NUP205: variants seen among roughly 807,000 people sequenced by gnomAD.
NUP205 encodes the protein nuclear pore complex protein Nup205.
In NUP205, 76 loss-of-function variants were observed where a neutral mutation model predicts 253.8. That is an observed-to-expected ratio of 0.30 (90% CI 0.25 to 0.36). NUP205 has a LOEUF of 0.36. NUP205 is among the 10% of genes least tolerant of loss of function. NUP205 has a pLI of 1.00. For missense variants in NUP205, 2,162 were observed against 2,425.5 expected (o/e 0.89, Z 2.28); for synonymous variants, 832 against 850.1 (o/e 0.98, Z 0.37).
intron 24 of NUP205, 59 bp downstream of exon 24, chr7:135,616,124 A>C: frequency 6.7e-7 from 1 of 1,494,024 alleles, no homozygotes; most frequent in Non-Finnish European, 9.2e-7. Flanking sequence ...GACAAGCACA[A>C]ATCTGAAGCT....
Position 135,622,799 on chromosome 7 carries a change from G to T in NUP205, c.4353G>T (p.Arg1451Ser). The T allele has an allele frequency of 6.2e-7, 1 of 1,613,890 alleles. No homozygotes were observed. Among genetic ancestry groups the T allele is most frequent in the Non-Finnish European group, 8.5e-7 (1 of 1,179,984 alleles). ...TAGCCAAGAAAACCATGTGGGAAAG[G>T]CTGACAGCCCCTGAAGATGTATTTA... ...LEAAKKTMWERLTAPEDVFSK... is the reference protein window; with the variant it reads ...LEAAKKTMWESLTAPEDVFSK... The change falls in exon 31 of 43, where the codon AGG becomes AGT. Residue 1451 changes from arginine (R) to serine (S), a missense_variant. Physicochemically the swap from Arg to Ser is moderately radical, Grantham distance 110. This residue lies in a region of NUP205 where 1,144 missense variants were observed against 1,280.9 expected (regional missense o/e 0.89). Coordinates refer to ENST00000285968, the MANE Select transcript of NUP205 (RefSeq NM_015135.3).
At chr7:135,561,849 C>G (rs1805588203) in intron 1 of NUP205, among the ~76,000 whole-genome samples, 2 of 152,116 alleles carry the variant, frequency 1.3e-5, no homozygotes, top group South Asian at 4.1e-4. Context: ...CCTAGTCAAG[C>G]CTTTCAAAAG....
chr7:135,568,049 G>GC lies in NUP205; in HGVS notation c.29-3052dup, dbSNP rs577542723. On this transcript the variant is annotated intron_variant, in intron 1 of 42. Coordinates refer to ENST00000285968, the MANE Select transcript of NUP205 (RefSeq NM_015135.3). ...AAGACCAGCCTGGCCAAATGGTGAAGCCCCATCTCTAATAAAAATACAAAA... is the reference window on the plus strand; with the variant it reads ...AAGACCAGCCTGGCCAAATGGTGAAGCCCCCATCTCTAATAAAAATACAAAA... 6.8e-3 allele frequency among the ~76,000 whole-genome samples: 1,038 copies of GC among 152,098 alleles called. 17 individuals carry two copies. The highest frequency in any genetic ancestry group is 0.014 in the Middle Eastern group (4 of 294).
intron 1 of NUP205, among the ~76,000 whole-genome samples, chr7:135,569,952 G>A (rs1415435858): frequency 6.6e-6 from 1 of 150,502 alleles, no homozygotes; most frequent in Non-Finnish European, 1.5e-5. Flanking sequence ...GATATGAAAG[G>A]CACTGGACTG....
chr7:135,626,302 G>A lies in NUP205; in HGVS notation c.4734G>A (p.Val1578=). The change falls in exon 33 of 43, where the codon GTG becomes GTA. Residue 1578 remains valine (V), a synonymous_variant. Coordinates refer to ENST00000285968, the MANE Select transcript of NUP205 (RefSeq NM_015135.3). ...CATTAGAGCTGCTAAGATCAGGGGT[G>A]ATTGTGAGACTAGCTCAATGCCAAG... ...QGALELLRSG[V]IVRLAQCQVY... The A allele has an allele frequency of 6.2e-7, 1 of 1,614,152 alleles. No homozygotes were observed. Among genetic ancestry groups the A allele is most frequent in the Non-Finnish European group, 8.5e-7 (1 of 1,179,998 alleles).
intron 32 of NUP205, 105 bp downstream of exon 32, chr7:135,625,460 A>C (rs1794571065): frequency 2.4e-6 from 2 of 821,048 alleles, no homozygotes; most frequent in Admixed American, 6.2e-5. Context: ...TATTTCTATC[A>C]TAAGCTGGAA....
At chr7:135,575,263 A>C (rs115125969) in intron 3 of NUP205, among the ~76,000 whole-genome samples, 1 of 152,190 alleles carries the variant, frequency 6.6e-6, no homozygotes, top group Non-Finnish European at 1.5e-5. Flanking sequence ...AGAACTCTTA[A>C]CAACATCATG....
At chr7:135,590,823 G>A (rs1157900844) in intron 10 of NUP205, among the ~76,000 whole-genome samples, 2 of 152,106 alleles carry the variant, frequency 1.3e-5, no homozygotes, top group Non-Finnish European at 2.9e-5. Flanking sequence ...GAACCACTGC[G>A]CCCAGCCAAA....
chr7:135,620,786 A>C (rs1794457462), intron 30 of NUP205, among the ~76,000 whole-genome samples: 1 of 152,198 alleles, frequency 6.6e-6, no homozygotes, highest in South Asian at 2.1e-4. Context: ...GTATACATGT[A>C]TCTTTTTGTA....
At position 135,614,184 on chromosome 7, in the gene NUP205, C is replaced by G. The variant is rs768214484; in HGVS notation, c.3221C>G (p.Ser1074Cys). The G allele has an allele frequency of 5.0e-6, 8 of 1,608,698 alleles. No homozygotes were observed. The highest frequency in any genetic ancestry group is 1.6e-4 in the Middle Eastern group (1 of 6,072). Residue 1074 changes from serine (S) to cysteine (C), a missense_variant, in exon 23 of 43, where the codon TCT becomes TGT. Coordinates refer to ENST00000285968, the MANE Select transcript of NUP205 (RefSeq NM_015135.3). ...YQVIYQLCAC[S>C]DTSGPTMRYL... ...GTCATATATCAGTTATGTGCATGCT[C>G]TGATACATCTGGTCCTACTATGAGG...
chr7:135,624,397 G>A (rs531684529), intron 31 of NUP205, among the ~76,000 whole-genome samples: 18 of 151,492 alleles, frequency 1.2e-4, no homozygotes, highest in Non-Finnish European at 1.2e-4. Context: ...TTTTTTTTGA[G>A]ACAGAGTCTC....
intron 38 of NUP205, 44 bp downstream of exon 38, chr7:135,638,727 A>G (rs1563139734): frequency 1.2e-6 from 2 of 1,611,222 alleles, no homozygotes; most frequent in Non-Finnish European, 1.7e-6. Flanking sequence ...CTAAGTTGCT[A>G]TGGTTATGAC....
chr7:135,593,644 T>TTTTTTCTG (rs1370534750), intron 12 of NUP205, among the ~76,000 whole-genome samples: 1 of 152,210 alleles, frequency 6.6e-6, no homozygotes, highest in Non-Finnish European at 1.5e-5. Flanking sequence ...TTCATGACTG[T>TTTTTTCTG]ATATAATTTC....
At chr7:135,606,355 C>T (rs1240434214) in intron 20 of NUP205, 129 bp downstream of exon 20, 1 of 690,378 alleles carries the variant, frequency 1.4e-6, no homozygotes, top group African/African-American at 1.8e-5. Flanking sequence ...TGCTAGAATA[C>T]AGGTTGAGAA....
intron 15 of NUP205, among the ~76,000 whole-genome samples, chr7:135,600,164 TAA>T (rs1440934991): frequency 6.6e-6 from 1 of 152,234 alleles, no homozygotes; most frequent in Non-Finnish European, 1.5e-5. Context: ...GTGGATTTTT[TAA>T]ACAAAGTTTT....
Position 135,645,462 on chromosome 7 carries a change from G to A in NUP205, c.5684-6G>A, listed in dbSNP as rs560816440. The A allele has an allele frequency of 3.7e-6, 6 of 1,612,372 alleles. No individual in the cohort carries two copies. In the African/African-American group the frequency reaches 5.3e-5, roughly 14 times the overall value. On this transcript the variant is annotated splice_polypyrimidine_tract_variant and splice_region_variant and intron_variant, in intron 40 of 42. Coordinates refer to ENST00000285968, the MANE Select transcript of NUP205 (RefSeq NM_015135.3). ...TTATGTTCCTTTAATCTGAGCTCTG[G>A]TATAGTTATCATAGAGACCTGCCTA...
At position 135,630,363 on chromosome 7, in the gene NUP205, C is replaced by A; in HGVS notation, c.4952C>A (p.Ser1651Ter). ...AAGQVLQFLI[S>*]HSDTIQAILR... The stretch of plus-strand genomic sequence containing the variant: ...GCTTAGGTATTGCAGTTTCTTATTT[C>A]ACATTCTGATACCATACAAGCAATT... Residue 1651 changes from serine (S) to a stop codon, truncating the protein, a stop_gained, in exon 35 of 43, where the codon TCA (serine) becomes TAA (stop). Coordinates refer to ENST00000285968, the MANE Select transcript of NUP205 (RefSeq NM_015135.3). LOFTEE classifies it high-confidence loss of function. 6.3e-7 allele frequency: 1 copy of A among 1,590,588 alleles called. No homozygotes were observed. Among genetic ancestry groups the A allele is most frequent in the South Asian group, 1.2e-5 (1 of 86,334 alleles).
Position 135,635,999 on chromosome 7 carries a change from C to T in NUP205, c.5136+342C>T, listed in dbSNP as rs537521934. Among the ~76,000 whole-genome samples the T allele has an allele frequency of 2.0e-5, 3 of 152,252 alleles. No individual in the cohort carries two copies. In the South Asian group the frequency reaches 6.2e-4, roughly 32 times the overall value. On this transcript the variant is annotated intron_variant, in intron 36 of 42. Coordinates refer to ENST00000285968, the MANE Select transcript of NUP205 (RefSeq NM_015135.3). ...AATATTTAGTGTTACATTATTATGACTGTGTAAATGTCATTTGTGAATAAG... is the reference window on the plus strand; with the variant it reads ...AATATTTAGTGTTACATTATTATGATTGTGTAAATGTCATTTGTGAATAAG...
intron 22 of NUP205, among the ~76,000 whole-genome samples, chr7:135,613,522 A>T (rs1794287353): frequency 6.7e-6 from 1 of 149,596 alleles, no homozygotes; most frequent in African/African-American, 2.5e-5. Flanking sequence ...GCTACTAATA[A>T]TTTTTTTCTT....
Sources: gnomAD v4.1 joint callset for allele counts (sites outside exome capture counted in the v4.1 genomes callset) on GRCh38, gnomAD v4.1.1 for gene constraint, gnomAD v4.1.1 regional missense constraint, MANE v1.5 for transcripts, NCBI Gene and HGNC (gene_info 2026-07-23, HGNC 2026-07-21) for gene names.